The following CERK variants were observed in gnomAD, a reference collection of about 807,000 sequenced individuals.
CERK encodes ceramide kinase.
Under a neutral mutation model 63.4 loss-of-function variants are expected in CERK, and 39 were observed. That is an observed-to-expected ratio of 0.61 (90% confidence interval 0.48 to 0.80). The LOEUF (loss-of-function observed/expected upper bound fraction) is 0.80. CERK is among the 30% of genes least tolerant of loss of function. The pLI, the probability that CERK is intolerant of heterozygous loss-of-function variation, is 0.00. For missense variants in CERK, 670 were observed against 714.1 expected (o/e 0.94, Z 0.70); for synonymous variants, 302 against 280.0 (o/e 1.08, Z -0.78).
chr22:46,691,697 TC>T lies in CERK; in HGVS notation c.1206del (p.Ser403AlafsTer30), dbSNP rs754318550. 1 of 1,613,966 alleles carries T rather than the reference TC, an allele frequency of 6.2e-7. No individual in the cohort carries two copies. Among genetic ancestry groups the T allele is most frequent in the East Asian group, 2.2e-5 (1 of 44,870 alleles). On this transcript the variant is annotated frameshift_variant, in exon 11 of 13. Coordinates refer to ENST00000216264, the MANE Select transcript of CERK (RefSeq NM_022766.6). LOFTEE classifies it high-confidence loss of function. ...NATNMSCACR[R>X]SPRGLSPAAH... Reference sequence around the variant, plus strand: ...GCAGCCGGGGAGAGGCCCCTGGGGCTCCGGCGACAAGCACAGGACATGTTTG... The same window carrying T: ...GCAGCCGGGGAGAGGCCCCTGGGGCTCGGCGACAAGCACAGGACATGTTTG...
In CERK at chr22:46,702,983, C is replaced by T. The variant is rs1015994597; in HGVS notation, c.716-1273G>A. On this transcript the variant is annotated intron_variant, in intron 6 of 12. Transcript: ENST00000216264. ...ACGACCAACCACATGCTCCCGTTCA[C>T]GCGAGAAGGACGGGGCTCCAGGGGG... Among the ~76,000 whole-genome samples, 4 of 152,190 alleles carry T rather than the reference C, an allele frequency of 2.6e-5. 1 individual carries two copies. Among genetic ancestry groups the T allele is most frequent in the African/African-American group, 7.2e-5 (3 of 41,442 alleles).
intron 9 of CERK, chr22:46,693,832 C>T: frequency 2.8e-6 from 1 of 359,398 alleles, no homozygotes; most frequent in Non-Finnish European, 5.3e-6. Flanking sequence ...ACTGGTTCCC[C>T]CAGCGGACTC....
chr22:46,722,901 A>G (rs2082899593), intron 1 of CERK, among the ~76,000 whole-genome samples: 2 of 152,298 alleles, frequency 1.3e-5, no homozygotes, highest in African/African-American at 4.8e-5. Context: ...GTCAGGGTTC[A>G]GAGGATTCCC....
intron 3 of CERK, among the ~76,000 whole-genome samples, chr22:46,718,787 G>A (rs1251551539): frequency 6.6e-6 from 1 of 152,204 alleles, no homozygotes; most frequent in African/African-American, 2.4e-5. Context: ...TCAAGACTGT[G>A]TATTGGCTGG....
Position 46,690,066 on chromosome 22 carries a change from G to C in CERK, c.1467C>G (p.Ser489=). ...RFGHICSSHP[S]CCCTVSNSSW... is the part of the protein sequence containing the mutation. ...AGCTGTTGGAGACGGTGCAGCAGCA[G>C]GAGGGGTGGCTGCTGCAAATGTGCC... is the stretch of plus-strand genomic sequence containing the variant. The change falls in exon 12 of 13, where the codon TCC becomes TCG. Residue 489 remains serine (S), a synonymous_variant. Transcript: ENST00000216264. 1 of 1,613,798 alleles carries C rather than the reference G, an allele frequency of 6.2e-7. No individual in the cohort carries two copies. The highest frequency in any genetic ancestry group is 8.5e-7 in the Non-Finnish European group (1 of 1,179,956).
At chr22:46,692,426 TAAAAAAAAAAAAA>T (rs553286743) in intron 10 of CERK, among the ~76,000 whole-genome samples, 1 of 93,114 alleles carries the variant, frequency 1.1e-5, no homozygotes, top group Non-Finnish European at 2.0e-5. Context: ...AACTCTGTCT[TAAAAAAAAAAAAA>T]AAAAAAAAAA....
chr22:46,703,746 G>A (rs752246396), intron 6 of CERK, among the ~76,000 whole-genome samples: 58 of 152,198 alleles, frequency 3.8e-4, no homozygotes, highest in Non-Finnish European at 1.2e-4. Flanking sequence ...AACGCAGAGA[G>A]CGATATCGGA....
intron 3 of CERK, among the ~76,000 whole-genome samples, chr22:46,718,794 C>T (rs1476123786): frequency 6.6e-6 from 1 of 152,196 alleles, no homozygotes; most frequent in Non-Finnish European, 1.5e-5. Context: ...TGTGTATTGG[C>T]TGGGCTCAGT....
intron 1 of CERK, among the ~76,000 whole-genome samples, chr22:46,728,969 C>T (rs2082933045): frequency 6.6e-6 from 1 of 152,242 alleles, no homozygotes; most frequent in Non-Finnish European, 1.5e-5. Context: ...CAAAACAGGG[C>T]AGCCAGGGCC....
intron 7 of CERK, among the ~76,000 whole-genome samples, chr22:46,701,398 G>A (rs2082782984): frequency 6.6e-6 from 1 of 152,276 alleles, no homozygotes; most frequent in South Asian, 2.1e-4. Flanking sequence ...TGGATTCCGT[G>A]GGAAAGAACT....
intron 3 of CERK, among the ~76,000 whole-genome samples, chr22:46,719,849 C>T (rs929708552): frequency 6.6e-6 from 1 of 152,208 alleles, no homozygotes; most frequent in African/African-American, 2.4e-5. Context: ...CGCCCCCAGG[C>T]CTCCTGGCCA....
intron 5 of CERK, among the ~76,000 whole-genome samples, chr22:46,709,376 G>T (rs1271242609): frequency 6.6e-6 from 1 of 152,230 alleles, no homozygotes; most frequent in Non-Finnish European, 1.5e-5. Flanking sequence ...CCAAGCTGCT[G>T]TCGGGTGGAG....
chr22:46,700,705 C>T (rs1228415111), intron 7 of CERK, among the ~76,000 whole-genome samples: 4 of 141,066 alleles, frequency 2.8e-5, no homozygotes, highest in Admixed American at 1.4e-4. Context: ...AGAGTGGGAC[C>T]CTGTCTCAAA....
At chr22:46,717,902 G>A in intron 3 of CERK, among the ~76,000 whole-genome samples, 1 of 147,952 alleles carries the variant, frequency 6.8e-6, no homozygotes, top group South Asian at 2.1e-4. Context: ...CCAACACGGC[G>A]AAACTCTGTC....
At chr22:46,693,249 C>T (rs752038388) in intron 10 of CERK, among the ~76,000 whole-genome samples, 178 bp downstream of exon 10, 8 of 152,186 alleles carry the variant, frequency 5.3e-5, no homozygotes, top group African/African-American at 1.4e-4. Context: ...CAGCCACACA[C>T]GGCAAGTAAC....
chr22:46,737,891 C>A, intron 1 of CERK, 116 bp downstream of exon 1: 6 of 660,832 alleles, frequency 9.1e-6, no homozygotes, highest in Non-Finnish European at 1.2e-5. Flanking sequence ...GCTCCCAGGG[C>A]CCCCGGCCTT....
rs532282150 is a variant in CERK, at chr22:46,702,829, A to G, written c.716-1119T>C. Reference sequence around the variant, plus strand: ...GCCTTCCCTCTGAGGACCATGCTCAAAAGAATGATTTGCATCCACAATGAC... The same window carrying G: ...GCCTTCCCTCTGAGGACCATGCTCAGAAGAATGATTTGCATCCACAATGAC... On this transcript the variant is annotated intron_variant, in intron 6 of 12. Transcript: ENST00000216264. Among the ~76,000 whole-genome samples the G allele has an allele frequency of 1.1e-4, 16 of 152,336 alleles. No individual in the cohort carries two copies. In the South Asian group the frequency reaches 3.1e-3, roughly 30 times the overall value.
chr22:46,692,820 G>A (rs374080353), intron 10 of CERK, among the ~76,000 whole-genome samples: 9 of 149,190 alleles, frequency 6.0e-5, no homozygotes, highest in South Asian at 2.1e-4. Flanking sequence ...GAGGAGAATC[G>A]CTTGAACTCG....
Position 46,685,987 on chromosome 22 carries a change from G to C in CERK, c.*1147C>G, listed in dbSNP as rs2082698662. 1 of 152,162 alleles carries C rather than the reference G, an allele frequency of 6.6e-6. No individual in the cohort carries two copies. Among genetic ancestry groups the C allele is most frequent in the Non-Finnish European group, 1.5e-5 (1 of 68,042 alleles). 9.4% of individuals were successfully genotyped at this position (152,162 alleles called of 1,614,324 possible). On this transcript the variant is annotated 3_prime_UTR_variant, in exon 13 of 13. Coordinates refer to ENST00000216264, the MANE Select transcript of CERK (RefSeq NM_022766.6). The stretch of plus-strand genomic sequence containing the variant: ...TACAGACATCATCTACGTGGGCACG[G>C]ATACACACTAAACAAGGACGTAGTA...
Sources: allele counts gnomAD v4.1 joint callset (sites outside exome capture counted in the v4.1 genomes callset), GRCh38; gene constraint gnomAD v4.1.1; transcripts MANE v1.5; gene names NCBI Gene and HGNC (gene_info 2026-07-23, HGNC 2026-07-21).